The following POLH variants were observed in gnomAD, a reference collection of about 807,000 sequenced individuals.
POLH encodes the protein DNA polymerase eta transcript.
A neutral mutation model predicts 73.6 loss-of-function variants in POLH; 53 were observed. The observed-to-expected ratio is 0.72, with a 90% CI of 0.58 to 0.91. POLH has a LOEUF of 0.91. Ranked by LOEUF, POLH falls within the 40% of genes least tolerant of loss-of-function variation. POLH has a pLI of 0.00. For synonymous variants in POLH, 292 were observed against 308.5 expected, an observed-to-expected ratio of 0.95 and a Z score of 0.56; for missense variants, 768 against 865.4, an observed-to-expected ratio of 0.89 and a Z score of 1.41.
intron 9 of POLH, among the ~76,000 whole-genome samples, chr6:43,606,959 G>C (rs1767372885): frequency 6.6e-6 from 1 of 152,138 alleles, no homozygotes; most frequent in Admixed American, 6.5e-5. Flanking sequence ...CTGCTTAACT[G>C]TTCTGGACAT....
At position 43,617,276 on chromosome 6, in the gene POLH, GAA is replaced by G. The variant is rs1467257119; in HGVS notation, c.*2721_*2722del. ...CTCAGTATCACCAGGGAACTTATTA[GAA>G]ATAGTCTCAGCCTCACCACTATTCC... On this transcript the variant is annotated 3_prime_UTR_variant, in exon 11 of 11. Transcript: ENST00000372236. Among the ~76,000 whole-genome samples, 3 of 152,122 alleles carry G rather than the reference GAA, an allele frequency of 2.0e-5. No individual in the cohort carries two copies. The highest frequency in any genetic ancestry group is 4.4e-5 in the Non-Finnish European group (3 of 68,028).
chr6:43,607,007 T>G, intron 9 of POLH, among the ~76,000 whole-genome samples: 1 of 152,254 alleles, frequency 6.6e-6, no homozygotes, highest in Non-Finnish European at 1.5e-5. Flanking sequence ...ATATGTGGTC[T>G]TTTGTGACTG....
intron 8 of POLH, among the ~76,000 whole-genome samples, chr6:43,605,042 A>G (rs1045193158): frequency 3.3e-5 from 5 of 152,154 alleles, no homozygotes; most frequent in Non-Finnish European, 7.4e-5. Context: ...AAGTCACCTG[A>G]TGGCAAACAA....
At chr6:43,591,887 G>A (rs1336859626) in intron 4 of POLH, among the ~76,000 whole-genome samples, 1 of 152,108 alleles carries the variant, frequency 6.6e-6, no homozygotes, top group Non-Finnish European at 1.5e-5. Context: ...CATTGTTGAA[G>A]CATTCTATTA....
rs1027831002 is a variant in POLH at position 43,619,638 on chromosome 6, A to C, written c.*5081A>C. ...TTCCATTAATGTTGCAGAGAGGCTC[A>C]CTAGTTCCTGGAGATGTCTTATTAA... On this transcript the variant is annotated 3_prime_UTR_variant, in exon 11 of 11. Coordinates refer to ENST00000372236, the MANE Select transcript of POLH (RefSeq NM_006502.3). Among the ~76,000 whole-genome samples, 1 of 152,178 alleles carries C rather than the reference A, an allele frequency of 6.6e-6. No homozygotes were observed. Among genetic ancestry groups the C allele is most frequent in the African/African-American group, 2.4e-5 (1 of 41,446 alleles).
At chr6:43,591,723 G>T (rs563290644) in intron 4 of POLH, among the ~76,000 whole-genome samples, 3 of 150,862 alleles carry the variant, frequency 2.0e-5, no homozygotes, top group African/African-American at 7.3e-5. Context: ...AAAATTTGTT[G>T]AAAGCTATAG....
intron 10 of POLH, 82 bp from the exon 11 acceptor site, chr6:43,613,578 A>G: frequency 8.8e-7 from 1 of 1,140,838 alleles, no homozygotes; most frequent in Non-Finnish European, 1.3e-6. Context: ...AATAAAACAG[A>G]TACAATTCAT....
At position 43,582,443 on chromosome 6, in the gene POLH, T is replaced by TGGAAGG; in HGVS notation, c.126_131dup (p.Lys43_Gly44dup). The TGGAAGG allele has an allele frequency of 6.2e-7, 1 of 1,613,952 alleles. No individual in the cohort carries two copies. Among genetic ancestry groups the TGGAAGG allele is most frequent in the Non-Finnish European group, 8.5e-7 (1 of 1,179,836 alleles). ...TTGTGCAGTTGTACAGTACAAATCA[T>TGGAAGG]GGAAGGGTGGTGGGTATGTATCATT... On this transcript the variant is annotated inframe_insertion, in exon 2 of 11. Transcript: ENST00000372236.
rs1411896817 is a variant in POLH, at chr6:43,580,761, G to T, written c.-4-1555G>T. ...CCGGACGGGGCGGCTGGCCGGGCGG[G>T]GGGCCGACCCCCCCACCTCCCTCCC... is the stretch of plus-strand genomic sequence containing the variant. On this transcript the variant is annotated intron_variant, in intron 1 of 10. Coordinates refer to ENST00000372236, the MANE Select transcript of POLH (RefSeq NM_006502.3). Among the ~76,000 whole-genome samples, 552 of 131,418 alleles carry T rather than the reference G, an allele frequency of 4.2e-3. 5 individuals carry two copies. Among genetic ancestry groups the T allele is most frequent in the African/African-American group, 0.015 (504 of 33,358 alleles). The allele number at this position is 131,418 out of a possible 152,430, so 86.2% of individuals were successfully genotyped here.
intron 9 of POLH, among the ~76,000 whole-genome samples, chr6:43,607,259 T>G (rs998451904): frequency 8.5e-5 from 13 of 152,190 alleles, no homozygotes; most frequent in African/African-American, 3.1e-4. Context: ...CACGCCCAGC[T>G]AATTTTTGTA....
At position 43,605,366 on chromosome 6, in the gene POLH, T is replaced by C. The variant is rs73428614; in HGVS notation, c.1074+47T>C. 1.9e-4 allele frequency: 170 copies of C among 911,910 alleles called. No individual in the cohort carries two copies. The African/African-American group carries it at 2.4e-3, about 13-fold the overall frequency. 56.5% of individuals were successfully genotyped at this position (911,910 alleles called of 1,614,324 possible). On this transcript the variant is annotated intron_variant, in intron 9 of 10. Coordinates refer to ENST00000372236, the MANE Select transcript of POLH (RefSeq NM_006502.3). ...CCTGGGGTGGGCTTTGCAATTTACA[T>C]ATCAGCTGCTCTTTACCTTATGGAG...
rs112203631 is a variant in POLH, at chr6:43,582,433, G to A, written c.114G>A (p.Gln38=). The change falls in exon 2 of 11, where the codon CAG becomes CAA. Residue 38 remains glutamine (Q), a synonymous_variant. Coordinates refer to ENST00000372236, the MANE Select transcript of POLH (RefSeq NM_006502.3). Reference sequence around the variant, plus strand: ...GGAATAAACCTTGTGCAGTTGTACAGTACAAATCATGGAAGGGTGGTGGGT... The same window carrying A: ...GGAATAAACCTTGTGCAGTTGTACAATACAAATCATGGAAGGGTGGTGGGT... ...HLRNKPCAVV[Q]YKSWKGGGII... is the part of the protein sequence containing the mutation. 3 of 1,614,090 alleles carry A rather than the reference G, an allele frequency of 1.9e-6. No individual in the cohort carries two copies. The highest frequency in any genetic ancestry group is 1.3e-5 in the African/African-American group (1 of 75,046).
chr6:43,610,787 A>C, intron 10 of POLH, 64 bp downstream of exon 10: 1 of 1,340,370 alleles, frequency 7.5e-7, no homozygotes, highest in Non-Finnish European at 1.1e-6. Flanking sequence ...TCTTAGCTCT[A>C]CAAGACATAA....
In POLH at chr6:43,597,995, G is replaced by A. The variant is rs887492114; in HGVS notation, c.660+130G>A. On this transcript the variant is annotated intron_variant, in intron 5 of 10. Coordinates refer to ENST00000372236, the MANE Select transcript of POLH (RefSeq NM_006502.3). ...TCGCACGCCTATGTGAGTGGATCGC[G>A]TGAGCCCAGGAGTTGAAGAGCAGCC... The A allele has an allele frequency of 1.2e-5, 9 of 781,534 alleles. No individual in the cohort carries two copies. The East Asian group carries it at 1.3e-4, about 12-fold the overall frequency. 48.4% of individuals were successfully genotyped at this position (781,534 alleles called of 1,614,324 possible). A position where few individuals can be genotyped will look rare whatever the true frequency, so the allele number is the denominator to read the frequency against.
intron 3 of POLH, among the ~76,000 whole-genome samples, chr6:43,586,656 T>G (rs1291126070): frequency 6.6e-6 from 1 of 152,190 alleles, no homozygotes; most frequent in African/African-American, 2.4e-5. Context: ...GTGCTTATCT[T>G]CAACTTGATC....
intron 5 of POLH, among the ~76,000 whole-genome samples, chr6:43,600,045 C>G (rs377758140): frequency 2.0e-4 from 31 of 151,980 alleles, no homozygotes; most frequent in African/African-American, 5.3e-4. Context: ...GTAATCCCAG[C>G]TACTCAGGAG....
intron 9 of POLH, among the ~76,000 whole-genome samples, chr6:43,605,962 GA>G (rs1767240793): frequency 6.6e-6 from 1 of 151,970 alleles, no homozygotes; most frequent in Admixed American, 6.6e-5. Context: ...CACCTCAGGT[GA>G]TCCGCCCACC....
chr6:43,590,328 A>G (rs1045682942), intron 4 of POLH, among the ~76,000 whole-genome samples: 1 of 151,762 alleles, frequency 6.6e-6, no homozygotes, highest in African/African-American at 2.4e-5. Context: ...ACTGCACTCC[A>G]GCCTCGGCAA....
chr6:43,607,860 C>A (rs2127810820), intron 9 of POLH, among the ~76,000 whole-genome samples: 1 of 152,222 alleles, frequency 6.6e-6, no homozygotes, highest in Non-Finnish European at 1.5e-5. Flanking sequence ...AAATCCTGTT[C>A]CTGGGCCGGG....
Sources: allele counts gnomAD v4.1 joint callset (sites outside exome capture counted in the v4.1 genomes callset), GRCh38; gene constraint gnomAD v4.1.1; transcripts MANE v1.5; gene names NCBI Gene and HGNC (gene_info 2026-07-23, HGNC 2026-07-21).